Variants in GREB1L observed in about 807,000 individuals in gnomAD.
GREB1L encodes the protein GREB1-like protein.
Under a neutral mutation model 200.8 loss-of-function variants are expected in GREB1L, and 17 were observed. The observed-to-expected ratio is 0.08, with a 90% confidence interval of 0.06 to 0.13. The LOEUF is 0.13. GREB1L is among the 10% of genes least tolerant of loss of function. GREB1L has a pLI of 1.00. For synonymous variants in GREB1L, 789 were observed against 893.0 expected, an observed-to-expected ratio of 0.88 and a Z score of 2.08; for missense variants, 1,657 against 2,367.7, an observed-to-expected ratio of 0.70 and a Z score of 6.23.
At chr18:21,262,553 C>T (rs928306612) in intron 1 of GREB1L, among the ~76,000 whole-genome samples, 1 of 152,296 alleles carries the variant, frequency 6.6e-6, no homozygotes, top group Admixed American at 6.5e-5. Context: ...AAGCAATGTT[C>T]TACCTCATTT....
chr18:21,243,176 G>A (rs1283612813), intron 1 of GREB1L, among the ~76,000 whole-genome samples: 2 of 152,060 alleles, frequency 1.3e-5, no homozygotes, highest in Non-Finnish European at 2.9e-5. Flanking sequence ...AGGGAGACTC[G>A]TTAAAGGAAA....
intron 18 of GREB1L, 142 bp downstream of exon 18, chr18:21,485,895 T>G: frequency 1.4e-6 from 1 of 713,160 alleles, no homozygotes; most frequent in Non-Finnish European, 2.3e-6. Context: ...TAAAACAGCC[T>G]TTCCTAAGAT....
chr18:21,497,441 G>C (rs952330257), intron 21 of GREB1L, among the ~76,000 whole-genome samples: 1 of 152,062 alleles, frequency 6.6e-6, no homozygotes, highest in Non-Finnish European at 1.5e-5. Flanking sequence ...TCAGGAGTTC[G>C]AGACCAGCCT....
intron 1 of GREB1L, among the ~76,000 whole-genome samples, chr18:21,360,037 G>C (rs1451736855): frequency 6.6e-6 from 1 of 152,066 alleles, no homozygotes; most frequent in Non-Finnish European, 1.5e-5. Context: ...GTGGTATAAG[G>C]ATGTTTGTGG....
chr18:21,429,877 T>G (rs1206264730), intron 7 of GREB1L, among the ~76,000 whole-genome samples: 1 of 152,152 alleles, frequency 6.6e-6, no homozygotes, highest in African/African-American at 2.4e-5. Context: ...TACCACACAC[T>G]GGGTGGTTTA....
At chr18:21,363,168 T>A (rs919978926) in intron 1 of GREB1L, among the ~76,000 whole-genome samples, 10 of 152,098 alleles carry the variant, frequency 6.6e-5, no homozygotes, top group African/African-American at 2.4e-4. Flanking sequence ...GGCTTAAGAA[T>A]GCTGTATGGT....
intron 25 of GREB1L, among the ~76,000 whole-genome samples, chr18:21,507,836 G>C (rs1051806521): frequency 6.6e-6 from 1 of 152,222 alleles, no homozygotes; most frequent in Non-Finnish European, 1.5e-5. Flanking sequence ...GGATGAAGCA[G>C]CTGTGGCTCT....
At chr18:21,495,917 C>G in intron 20 of GREB1L, 132 bp downstream of exon 20, 1 of 553,260 alleles carries the variant, frequency 1.8e-6, no homozygotes, top group Non-Finnish European at 3.2e-6. Context: ...TGCAGGGATA[C>G]AAGAAATACA....
intron 11 of GREB1L, among the ~76,000 whole-genome samples, chr18:21,445,772 G>A (rs1352853161): frequency 6.6e-6 from 1 of 152,144 alleles, no homozygotes; most frequent in African/African-American, 2.4e-5. Context: ...CCAATTTCAT[G>A]ATAAACCTAG....
chr18:21,476,410 G>A (rs1437712240), intron 16 of GREB1L, among the ~76,000 whole-genome samples: 3 of 151,742 alleles, frequency 2.0e-5, no homozygotes, highest in East Asian at 1.9e-4. Flanking sequence ...GAGAGAGAGC[G>A]GGAAAAGAAA....
intron 1 of GREB1L, among the ~76,000 whole-genome samples, chr18:21,265,886 C>A (rs1472951065): frequency 6.6e-6 from 1 of 151,942 alleles, no homozygotes; most frequent in Non-Finnish European, 1.5e-5. Flanking sequence ...CCCAACACAG[C>A]AATACAGTAA....
intron 7 of GREB1L, among the ~76,000 whole-genome samples, chr18:21,432,259 C>T (rs150842456): frequency 4.3e-4 from 65 of 152,198 alleles, no homozygotes; most frequent in African/African-American, 1.5e-3. Context: ...ATGGCCACTC[C>T]ATCTCTCTCT....
chr18:21,352,976 T>C (rs1419518988), intron 1 of GREB1L, among the ~76,000 whole-genome samples: 1 of 151,912 alleles, frequency 6.6e-6, no homozygotes, highest in African/African-American at 2.4e-5. Context: ...GGTCAGGAGA[T>C]TGAGACCATC....
At chr18:21,353,410 G>A (rs1244967714) in intron 1 of GREB1L, among the ~76,000 whole-genome samples, 1 of 151,746 alleles carries the variant, frequency 6.6e-6, no homozygotes, top group Non-Finnish European at 1.5e-5. Context: ...CTCTATTGAT[G>A]GAATATTTGT....
chr18:21,308,564 T>G (rs1202923819), intron 1 of GREB1L, among the ~76,000 whole-genome samples: 1 of 152,208 alleles, frequency 6.6e-6, no homozygotes, highest in East Asian at 1.9e-4. Context: ...AGGGATGGGC[T>G]TTGCCCTAAT....
chr18:21,307,198 C>T (rs537207683), intron 1 of GREB1L, among the ~76,000 whole-genome samples: 1 of 152,174 alleles, frequency 6.6e-6, no homozygotes, highest in Non-Finnish European at 1.5e-5. Context: ...GTTCCAATGG[C>T]AAGTACCCAA....
intron 1 of GREB1L, among the ~76,000 whole-genome samples, chr18:21,322,704 T>C (rs575760354): frequency 8.5e-5 from 13 of 152,234 alleles, no homozygotes; most frequent in Admixed American, 2.0e-4. Flanking sequence ...GTGAACTAAT[T>C]ATAATAGACT....
chr18:21,456,153 G>GGGATTA (rs1351350710), intron 15 of GREB1L, among the ~76,000 whole-genome samples: 1 of 152,024 alleles, frequency 6.6e-6, no homozygotes, highest in Non-Finnish European at 1.5e-5. Context: ...TGATCCACCA[G>GGGATTA]CCTCAGCCTC....
chr18:21,522,003 C>CAA (rs1568083972), intron 32 of GREB1L, among the ~76,000 whole-genome samples: 1 of 1,174 alleles, frequency 8.5e-4, no homozygotes, highest in African/African-American at 3.5e-3. Flanking sequence ...GACTCCGTCT[C>CAA]CAAAAAAAAA....
Sources: gnomAD v4.1 joint callset for allele counts (sites outside exome capture counted in the v4.1 genomes callset) on GRCh38, gnomAD v4.1.1 for gene constraint, MANE v1.5 for transcripts, NCBI Gene and HGNC (gene_info 2026-07-23, HGNC 2026-07-21) for gene names.